Variants in NRXN3 observed in about 807,000 individuals in gnomAD.
NRXN3 encodes the protein neurexin 3.
NRXN3 carries 32 observed loss-of-function variants against 137.6 expected under a neutral mutation model. That is an observed-to-expected ratio of 0.23 (90% confidence interval 0.18 to 0.31). NRXN3 has a LOEUF of 0.31. NRXN3 is among the 10% of genes least tolerant of loss of function. NRXN3 has a pLI of 1.00. For synonymous variants in NRXN3, 798 were observed against 784.5 expected (o/e 1.02, Z -0.29); for missense variants, 1,574 against 2,062.5 (o/e 0.76, Z 4.59).
rs546382105 is a variant in NRXN3 at position 79,460,440 on chromosome 14, A to G, written c.3263-6781A>G. ...GAATGGGTAGAATGTTATTTGTTTT[A>G]TATTTTTCTCTCATCAGCTCCTTTG... is the stretch of plus-strand genomic sequence containing the variant. On this transcript the variant is annotated intron_variant, in intron 15 of 20. Transcript: ENST00000335750. 1.6e-4 allele frequency among the ~76,000 whole-genome samples: 24 copies of G among 152,114 alleles called. 1 individual carries two copies. Among genetic ancestry groups the G allele is most frequent in the Admixed American group, 4.6e-4 (7 of 15,266 alleles).
At chr14:78,984,512 A>G (rs2099498020) in intron 14 of NRXN3, among the ~76,000 whole-genome samples, 1 of 152,210 alleles carries the variant, frequency 6.6e-6, no homozygotes. Flanking sequence ...AAGAATAAAA[A>G]TGAAACAGTC....
At chr14:78,538,521 G>T (rs148773642) in intron 4 of NRXN3, among the ~76,000 whole-genome samples, 1 of 152,150 alleles carries the variant, frequency 6.6e-6, no homozygotes, top group East Asian at 1.9e-4. Flanking sequence ...GGGCTGAGAC[G>T]ATGGGGTTTT....
intron 15 of NRXN3, among the ~76,000 whole-genome samples, chr14:79,222,189 A>G (rs1568661604): frequency 6.6e-6 from 1 of 152,144 alleles, no homozygotes; most frequent in Non-Finnish European, 1.5e-5. Context: ...AGGTAGTGTG[A>G]TGCCCCCAGC....
At chr14:79,471,881 C>T (rs892394741) in intron 16 of NRXN3, among the ~76,000 whole-genome samples, 10 of 152,036 alleles carry the variant, frequency 6.6e-5, no homozygotes, top group Non-Finnish European at 1.2e-4. Flanking sequence ...GGTTTGTAGG[C>T]TTGTTACATA....
At chr14:79,128,424 A>G (rs1438933964) in intron 15 of NRXN3, among the ~76,000 whole-genome samples, 8 of 149,358 alleles carry the variant, frequency 5.4e-5, no homozygotes, top group Admixed American at 3.3e-4. Context: ...TTCTGCATCT[A>G]TTGAGATAAT....
rs1269953690 is a variant in NRXN3 at position 78,668,002 on chromosome 14, T to C, written c.1221+16676T>C. ...GATTTCACCCTGTTGACCAGGCAGGTCTTGAACTTCTGACCTCAGGTGATG... is the reference window on the plus strand; with the variant it reads ...GATTTCACCCTGTTGACCAGGCAGGCCTTGAACTTCTGACCTCAGGTGATG... On this transcript the variant is annotated intron_variant, in intron 6 of 20. Transcript: ENST00000335750. 1.3e-4 allele frequency among the ~76,000 whole-genome samples: 20 copies of C among 152,156 alleles called. 1 individual carries two copies. The highest frequency in any genetic ancestry group is 9.8e-4 in the Admixed American group (15 of 15,278).
intron 16 of NRXN3, among the ~76,000 whole-genome samples, chr14:79,581,675 CTTACT>C (rs1261462849): frequency 6.6e-6 from 1 of 152,162 alleles, no homozygotes; most frequent in Non-Finnish European, 1.5e-5. Flanking sequence ...TTATTTTCCC[CTTACT>C]TTAAATTCTG....
At chr14:78,550,274 C>G (rs549683503) in intron 4 of NRXN3, among the ~76,000 whole-genome samples, 2 of 152,114 alleles carry the variant, frequency 1.3e-5, no homozygotes, top group African/African-American at 4.8e-5. Flanking sequence ...AAGTGATCCA[C>G]GTGCTTCTGC....
In NRXN3 at chr14:79,567,349, C is replaced by A. The variant is rs539564340; in HGVS notation, c.3445-96429C>A. Among the ~76,000 whole-genome samples, 6 of 151,880 alleles carry A rather than the reference C, an allele frequency of 4.0e-5. No individual in the cohort carries two copies. In the East Asian group the frequency reaches 1.2e-3, roughly 29 times the overall value. ...ATTATCTGTACCGATCAAAACTGACCTCCGGACACAAGACCAGACTGGACT... is the reference window on the plus strand; with the variant it reads ...ATTATCTGTACCGATCAAAACTGACATCCGGACACAAGACCAGACTGGACT... On this transcript the variant is annotated intron_variant, in intron 16 of 20. Coordinates refer to ENST00000335750, the MANE Select transcript of NRXN3 (RefSeq NM_001330195.2).
At chr14:78,657,688 A>C (rs1337696329) in intron 6 of NRXN3, among the ~76,000 whole-genome samples, 2 of 152,208 alleles carry the variant, frequency 1.3e-5, no homozygotes, top group African/African-American at 4.8e-5. Flanking sequence ...CTTAATCTGT[A>C]ATAACTTTAC....
intron 4 of NRXN3, among the ~76,000 whole-genome samples, chr14:78,448,866 G>A (rs2094484729): frequency 6.6e-6 from 1 of 152,112 alleles, no homozygotes; most frequent in Non-Finnish European, 1.5e-5. Flanking sequence ...CCTGAAGAGT[G>A]CCTTCCATTG....
intron 4 of NRXN3, chr14:78,403,756 T>C: frequency 1.0e-6 from 1 of 985,520 alleles, no homozygotes; most frequent in South Asian, 4.7e-5. Flanking sequence ...GACACAGGAC[T>C]GGAGGGCTTG....
intron 15 of NRXN3, among the ~76,000 whole-genome samples, chr14:79,323,024 C>T (rs2090291525): frequency 6.6e-6 from 1 of 152,130 alleles, no homozygotes; most frequent in South Asian, 2.1e-4. Flanking sequence ...AATACATACA[C>T]TGAATGGTGA....
At chr14:79,749,619 C>CA (rs912282867) in intron 19 of NRXN3, among the ~76,000 whole-genome samples, 1 of 152,006 alleles carries the variant, frequency 6.6e-6, no homozygotes, top group Admixed American at 6.6e-5. Context: ...CATTTGCCAT[C>CA]AACACTGGCT....
intron 17 of NRXN3, among the ~76,000 whole-genome samples, chr14:79,688,201 T>C (rs2098702972): frequency 6.6e-6 from 1 of 152,070 alleles, no homozygotes; most frequent in Non-Finnish European, 1.5e-5. Flanking sequence ...TAATGATAGT[T>C]TAAATATGCT....
intron 17 of NRXN3, among the ~76,000 whole-genome samples, chr14:79,674,605 G>A (rs1223038208): frequency 1.3e-5 from 2 of 151,902 alleles, no homozygotes; most frequent in African/African-American, 4.8e-5. Context: ...CTTTTCCAAT[G>A]TCTTCCAAGA....
chr14:79,655,191 A>G (rs543395044), intron 16 of NRXN3, among the ~76,000 whole-genome samples: 2 of 152,308 alleles, frequency 1.3e-5, no homozygotes, highest in East Asian at 3.9e-4. Context: ...GATGAATGAA[A>G]AGACTTCCTT....
chr14:79,579,827 A>G (rs1441153793), intron 16 of NRXN3, among the ~76,000 whole-genome samples: 1 of 152,180 alleles, frequency 6.6e-6, no homozygotes, highest in Non-Finnish European at 1.5e-5. Context: ...CTACTTTGAA[A>G]TATACTTTGT....
intron 16 of NRXN3, among the ~76,000 whole-genome samples, chr14:79,591,282 C>T (rs74971178): frequency 0.057 from 8,621 of 152,246 alleles, 255 homozygotes; most frequent in East Asian, 0.081. Context: ...TTGACAGTCA[C>T]CGTGTCATCA....
Sources: allele counts gnomAD v4.1 joint callset (sites outside exome capture counted in the v4.1 genomes callset), GRCh38; gene constraint gnomAD v4.1.1; transcripts MANE v1.5; gene names NCBI Gene and HGNC (gene_info 2026-07-23, HGNC 2026-07-21).